The following ABCA8 variants were observed in gnomAD, a reference collection of about 807,000 sequenced individuals.
ABCA8 encodes ABC-type organic anion transporter ABCA8.
In ABCA8, 177 loss-of-function variants were observed where a neutral mutation model predicts 192.3. The ratio of observed to expected loss-of-function variants is 0.92; its 90% CI spans 0.81 to 1.04. The LOEUF is 1.04. Among genes scored for constraint, ABCA8 ranks in the 50% least tolerant of loss-of-function variants. The pLI, the probability that ABCA8 is intolerant of heterozygous loss-of-function variation, is 0.00. For synonymous variants in ABCA8, 642 were observed against 690.2 expected (o/e 0.93, Z 1.09); for missense variants, 1,915 against 1,904.8 (o/e 1.01, Z -0.10).
intron 38 of ABCA8, among the ~76,000 whole-genome samples, chr17:68,869,086 A>G (rs546475561): frequency 1.3e-5 from 2 of 152,276 alleles, no homozygotes; most frequent in South Asian, 4.1e-4. Context: ...AGAAGATCTG[A>G]ATCTCTTCCT....
intron 32 of ABCA8, chr17:68,879,255 G>T (rs1482589206): frequency 6.6e-6 from 1 of 152,204 alleles, no homozygotes; most frequent in Non-Finnish European, 1.5e-5. Context: ...TTTTGTGAAG[G>T]ACAACTGTCT....
intron 27 of ABCA8, 152 bp from the exon 28 acceptor site, chr17:68,884,548 T>A: frequency 2.2e-6 from 3 of 1,334,212 alleles, no homozygotes. Flanking sequence ...AGGGGCTGTC[T>A]TCCTTCCTCC....
chr17:68,875,556 A>T, intron 36 of ABCA8, 58 bp downstream of exon 36: 1 of 1,601,522 alleles, frequency 6.2e-7, no homozygotes, highest in Non-Finnish European at 8.5e-7. Context: ...CCTGCCACAG[A>T]CAAAAATTTC....
chr17:68,944,353 T>C (rs1297423564), intron 2 of ABCA8, among the ~76,000 whole-genome samples: 1 of 90,884 alleles, frequency 1.1e-5, no homozygotes, highest in Non-Finnish European at 2.2e-5. Flanking sequence ...TATATATATA[T>C]ATATATACAC....
rs1387655317 is a variant in ABCA8, at chr17:68,876,690, G to A, written c.4213C>T (p.Leu1405Phe). The change falls in exon 34 of 40, where the codon CTC (leucine) becomes TTC (phenylalanine). Residue 1405 changes from leucine (L) to phenylalanine (F), a missense_variant. Physicochemically the swap from Leu to Phe is conservative, Grantham distance 22. Transcript: ENST00000586539. ...GACTTCAGCTGGTCCTGCAGCTTGA[G>A]CGCATCCACTAACCTGAAGGAAACA... ...EVAITRLVDA[L>F]KLQDQLKSPV... The A allele has an allele frequency of 1.2e-6, 2 of 1,614,146 alleles. No homozygotes were observed. The highest frequency in any genetic ancestry group is 1.7e-5 in the Admixed American group (1 of 60,018).
In ABCA8 at chr17:68,929,648, C is replaced by T; in HGVS notation, c.852G>A (p.Leu284=). The change falls in exon 8 of 40, where the codon TTG becomes TTA. Residue 284 remains leucine (L), a synonymous_variant. Transcript: ENST00000586539. The part of the protein sequence containing the change: ...AGFIFIMALF[L]ALVIRSTQFI... ...ACTGGGTAGATCTTATAACAAGTGCCAAGAAAAGGGCCATAATGAAGATGA... is the reference window on the plus strand; with the variant it reads ...ACTGGGTAGATCTTATAACAAGTGCTAAGAAAAGGGCCATAATGAAGATGA... 1 of 1,613,296 alleles carries T rather than the reference C, an allele frequency of 6.2e-7. No individual in the cohort carries two copies.
intron 10 of ABCA8, among the ~76,000 whole-genome samples, chr17:68,927,206 C>T (rs550474710): frequency 2.0e-5 from 3 of 151,612 alleles, no homozygotes; most frequent in South Asian, 2.1e-4. Flanking sequence ...TTCAGTGAGC[C>T]GAGATTGTGC....
intron 38 of ABCA8, 84 bp downstream of exon 38, chr17:68,869,616 T>G: frequency 9.9e-7 from 1 of 1,010,098 alleles, no homozygotes; most frequent in Non-Finnish European, 1.5e-6. Flanking sequence ...TTTTGTCACA[T>G]TTCATTTTTG....
At chr17:68,950,875 A>C (rs2068549897) in intron 1 of ABCA8, among the ~76,000 whole-genome samples, 1 of 152,142 alleles carries the variant, frequency 6.6e-6, no homozygotes, top group Non-Finnish European at 1.5e-5. Flanking sequence ...TTTTGTCATC[A>C]AGGCAGGCTA....
At chr17:68,932,719 G>C (rs1442400476) in intron 6 of ABCA8, among the ~76,000 whole-genome samples, 1 of 152,168 alleles carries the variant, frequency 6.6e-6, no homozygotes, top group Non-Finnish European at 1.5e-5. Context: ...AGAATTTACT[G>C]TGTGTTTCAT....
chr17:68,902,254 C>T (rs1431352427), intron 21 of ABCA8, among the ~76,000 whole-genome samples: 1 of 152,080 alleles, frequency 6.6e-6, no homozygotes, highest in East Asian at 1.9e-4. Flanking sequence ...TCAATAGAAA[C>T]AGAATGTAAA....
rs533970950 is a variant in ABCA8 at position 68,923,212 on chromosome 17, T to A, written c.1443-912A>T. 5.0e-3 allele frequency among the ~76,000 whole-genome samples: 759 copies of A among 151,526 alleles called. 5 individuals are homozygous for A. The highest frequency in any genetic ancestry group is 0.017 in the African/African-American group (709 of 41,310). On this transcript the variant is annotated intron_variant, in intron 11 of 39. Transcript: ENST00000586539. ...AGATATTATTATTATTATTATTTTTTTTTTTGAGAGAGAGTCTTGCTCTAT... is the reference window on the plus strand; with the variant it reads ...AGATATTATTATTATTATTATTTTTATTTTTGAGAGAGAGTCTTGCTCTAT...
At chr17:68,877,763 T>C in intron 32 of ABCA8, 84 bp from the exon 33 acceptor site, 1 of 1,370,448 alleles carries the variant, frequency 7.3e-7, no homozygotes, top group Admixed American at 2.4e-5. Context: ...TTCACGAACC[T>C]AGAAAAACTA....
intron 23 of ABCA8, among the ~76,000 whole-genome samples, chr17:68,892,712 A>G (rs1029770761): frequency 6.6e-6 from 1 of 152,212 alleles, no homozygotes; most frequent in African/African-American, 2.4e-5. Flanking sequence ...AAAATTAATT[A>G]ATACTTGGTG....
chr17:68,932,193 G>C, intron 7 of ABCA8, 95 bp downstream of exon 7: 1 of 944,910 alleles, frequency 1.1e-6, no homozygotes. Context: ...CTGGGCGACA[G>C]AGCGAGACTC....
At chr17:68,924,954 C>G in intron 10 of ABCA8, 85 bp from the exon 11 acceptor site, 1 of 1,387,132 alleles carries the variant, frequency 7.2e-7, no homozygotes, top group Non-Finnish European at 9.8e-7. Context: ...GGCAACACAG[C>G]CCTTTGTTGC....
chr17:68,925,258 C>G (rs2067666824), intron 10 of ABCA8, among the ~76,000 whole-genome samples: 1 of 151,678 alleles, frequency 6.6e-6, no homozygotes, highest in Admixed American at 6.6e-5. Context: ...TATTGGATAC[C>G]TTTAAAAAAA....
At chr17:68,927,292 A>G (rs776213516) in intron 10 of ABCA8, among the ~76,000 whole-genome samples, 1 of 152,142 alleles carries the variant, frequency 6.6e-6, no homozygotes, top group Non-Finnish European at 1.5e-5. Flanking sequence ...GCACACAAGT[A>G]TCTAGGGTGC....
At chr17:68,873,493 C>T (rs2066118571) in intron 37 of ABCA8, among the ~76,000 whole-genome samples, 1 of 152,180 alleles carries the variant, frequency 6.6e-6, no homozygotes, top group South Asian at 2.1e-4. Flanking sequence ...CCTCCCATTC[C>T]ATAGGTTGCC....
Sources: gnomAD v4.1 joint callset for allele counts (sites outside exome capture counted in the v4.1 genomes callset) on GRCh38, gnomAD v4.1.1 for gene constraint, MANE v1.5 for transcripts, NCBI Gene and HGNC (gene_info 2026-07-23, HGNC 2026-07-21) for gene names.